ELP4: variants seen among roughly 807,000 people sequenced by gnomAD.
ELP4 encodes the protein elongator complex protein 4.
Under a neutral mutation model 48.9 loss-of-function variants are expected in ELP4, and 51 were observed. The ratio of observed to expected loss-of-function variants is 1.04; its 90% CI spans 0.83 to 1.32. ELP4 has a LOEUF of 1.32. Among genes scored for constraint, ELP4 ranks in the 40% most tolerant of loss-of-function variants. The pLI, the probability that ELP4 is intolerant of heterozygous loss-of-function variation, is 0.00. For synonymous variants in ELP4, 210 were observed against 189.2 expected (o/e 1.11, Z -0.90); for missense variants, 519 against 514.6 (o/e 1.01, Z -0.08).
At chr11:31,616,722 A>G (rs367777411) in intron 5 of ELP4, among the ~76,000 whole-genome samples, 2 of 152,078 alleles carry the variant, frequency 1.3e-5, no homozygotes, top group Non-Finnish European at 2.9e-5. Flanking sequence ...ACTTGACAAC[A>G]TAAAAACAAA....
intron 9 of ELP4, among the ~76,000 whole-genome samples, chr11:31,756,747 T>C (rs1052177034): frequency 6.6e-6 from 1 of 152,212 alleles, no homozygotes; most frequent in Admixed American, 6.5e-5. Context: ...CAAAAAAAGT[T>C]TTCCCTGCTT....
chr11:31,662,500 C>A (rs1945582972), intron 9 of ELP4: 1 of 397,268 alleles, frequency 2.5e-6, no homozygotes. Context: ...CCATTCCTAT[C>A]ATTTTGTCTA....
intron 9 of ELP4, among the ~76,000 whole-genome samples, chr11:31,660,622 T>TTACACATATGTA (rs1287645720): frequency 1.3e-5 from 2 of 151,998 alleles, no homozygotes; most frequent in African/African-American, 4.8e-5. Flanking sequence ...GGAAAATTGC[T>TTACACATATGTA]TACACATATG....
At chr11:31,579,667 G>A (rs1029819836) in intron 3 of ELP4, among the ~76,000 whole-genome samples, 1 of 151,556 alleles carries the variant, frequency 6.6e-6, no homozygotes, top group Non-Finnish European at 1.5e-5. Flanking sequence ...CCATCATTCT[G>A]AGCAAAGTAT....
Position 31,623,387 on chromosome 11 carries a change from AT to A in ELP4, c.654-3722del, listed in dbSNP as rs1565084282. The stretch of plus-strand genomic sequence containing the variant: ...TATATATATATATATATATATATAT[AT>A]ATAAAACTAGAAACATTGCTGGCAA... On this transcript the variant is annotated intron_variant, in intron 5 of 9. Transcript: ENST00000640961. Among the ~76,000 whole-genome samples the A allele has an allele frequency of 5.4e-3, 476 of 88,654 alleles. 31 individuals are homozygous for A. The highest frequency in any genetic ancestry group is 0.027 in the East Asian group (114 of 4,162). 58.2% of individuals were successfully genotyped at this position (88,654 alleles called of 152,430 possible).
intron 6 of ELP4, among the ~76,000 whole-genome samples, chr11:31,629,069 TAATTA>T (rs1944806816): frequency 6.6e-6 from 1 of 152,088 alleles, no homozygotes; most frequent in Non-Finnish European, 1.5e-5. Context: ...TACTACCTTA[TAATTA>T]GCCTTGGTAG....
intron 9 of ELP4, among the ~76,000 whole-genome samples, chr11:31,666,683 T>G (rs1408501950): frequency 1.6e-5 from 2 of 123,272 alleles, no homozygotes; most frequent in East Asian, 2.4e-4. Flanking sequence ...CAGAGTGAGA[T>G]TCTGTCTCAA....
chr11:31,745,199 CT>C (rs1173221701), intron 9 of ELP4, among the ~76,000 whole-genome samples: 1 of 152,124 alleles, frequency 6.6e-6, no homozygotes, highest in Non-Finnish European at 1.5e-5. Flanking sequence ...TCAAGGACCT[CT>C]TCAAGGAGAA....
At chr11:31,628,509 G>A (rs1944794563) in intron 6 of ELP4, 1 of 150,796 alleles carries the variant, frequency 6.6e-6, no homozygotes, top group Non-Finnish European at 1.5e-5. Context: ...GCTAGTATAG[G>A]AATAGAGTAA....
intron 5 of ELP4, among the ~76,000 whole-genome samples, chr11:31,623,856 C>A (rs2134032174): frequency 7.8e-6 from 1 of 128,016 alleles, no homozygotes; most frequent in African/African-American, 2.5e-5. Flanking sequence ...ACTCAAACAA[C>A]ACAATAGCAT....
At position 31,539,842 on chromosome 11, in the gene ELP4, A is replaced by G. The variant is rs925450472; in HGVS notation, c.381+59A>G. 5 of 1,437,922 alleles carry G rather than the reference A, an allele frequency of 3.5e-6. 1 individual carries two copies. Among genetic ancestry groups the G allele is most frequent in the East Asian group, 4.7e-5 (2 of 42,106 alleles). 89.1% of individuals were successfully genotyped at this position (1,437,922 alleles called of 1,614,324 possible). A position where few individuals can be genotyped will look rare whatever the true frequency, so the allele number is the denominator to read the frequency against. On this transcript the variant is annotated intron_variant, in intron 3 of 9. Coordinates refer to ENST00000640961, the MANE Select transcript of ELP4 (RefSeq NM_019040.5). ...AATGTTTCATGAAAAAATATTGTTT[A>G]TATATGTAAACAAGATATATGTTTG...
Position 31,566,307 on chromosome 11 carries a change from G to A in ELP4, c.381+26524G>A, listed in dbSNP as rs375244418. 1.5e-4 allele frequency among the ~76,000 whole-genome samples: 23 copies of A among 151,852 alleles called. No individual in the cohort carries two copies. The South Asian group carries it at 2.7e-3, about 18-fold the overall frequency. On this transcript the variant is annotated intron_variant, in intron 3 of 9. Transcript: ENST00000640961. ...CGGGAGGCAGAGGTTGCAGTGAGCCGAGATTGCGCCACTGCACTCTATCCT... is the reference window on the plus strand; with the variant it reads ...CGGGAGGCAGAGGTTGCAGTGAGCCAAGATTGCGCCACTGCACTCTATCCT...
At chr11:31,739,256 G>T (rs1468343357) in intron 9 of ELP4, among the ~76,000 whole-genome samples, 1 of 152,130 alleles carries the variant, frequency 6.6e-6, no homozygotes, top group Non-Finnish European at 1.5e-5. Context: ...AAGTATACAT[G>T]ACTATAATTA....
chr11:31,610,380 T>C (rs1374522082), intron 5 of ELP4, among the ~76,000 whole-genome samples: 1 of 152,212 alleles, frequency 6.6e-6, no homozygotes, highest in African/African-American at 2.4e-5. Flanking sequence ...ACTTTTATTT[T>C]AGATTCAAAG....
At chr11:31,622,874 A>G (rs1484581781) in intron 5 of ELP4, among the ~76,000 whole-genome samples, 1 of 151,666 alleles carries the variant, frequency 6.6e-6, no homozygotes, top group Non-Finnish European at 1.5e-5. Flanking sequence ...GAAAAGCATG[A>G]ATAATGCACA....
intron 9 of ELP4, among the ~76,000 whole-genome samples, chr11:31,668,920 A>G (rs1055244434): frequency 6.6e-6 from 1 of 151,772 alleles, no homozygotes; most frequent in Non-Finnish European, 1.5e-5. Flanking sequence ...TGAATTTTTA[A>G]TTTAGTCCAA....
chr11:31,537,264 G>A (rs1223185794), intron 2 of ELP4, among the ~76,000 whole-genome samples: 3 of 152,060 alleles, frequency 2.0e-5, no homozygotes, highest in Non-Finnish European at 4.4e-5. Context: ...GTTATTGCAG[G>A]ACCATTTGTT....
intron 3 of ELP4, among the ~76,000 whole-genome samples, chr11:31,582,329 G>T (rs1349343500): frequency 6.6e-6 from 1 of 152,104 alleles, no homozygotes; most frequent in African/African-American, 2.4e-5. Flanking sequence ...TTTTAAATTA[G>T]CATTGCTATC....
At chr11:31,625,504 C>T (rs1467191802) in intron 5 of ELP4, among the ~76,000 whole-genome samples, 1 of 151,746 alleles carries the variant, frequency 6.6e-6, no homozygotes, top group Non-Finnish European at 1.5e-5. Flanking sequence ...TTTGTGACAA[C>T]ATGGGTGAAA....
Sources: allele counts gnomAD v4.1 joint callset (sites outside exome capture counted in the v4.1 genomes callset), GRCh38; gene constraint gnomAD v4.1.1; transcripts MANE v1.5; gene names NCBI Gene and HGNC (gene_info 2026-07-23, HGNC 2026-07-21).